The following RND2 variants were observed in gnomAD, a reference collection of about 807,000 sequenced individuals.
The protein encoded by RND2 is rho-related GTP-binding protein RhoN.
Under a neutral mutation model 25.9 loss-of-function variants are expected in RND2, and 16 were observed. The ratio of observed to expected loss-of-function variants is 0.62; its 90% confidence interval spans 0.42 to 0.94. The LOEUF (loss-of-function observed/expected upper bound fraction) is 0.94. RND2 is among the 40% of genes least tolerant of loss of function. RND2 has a pLI of 0.00. For missense variants in RND2, 276 were observed against 305.5 expected (o/e 0.90, Z 0.72); for synonymous variants, 97 against 118.1 (o/e 0.82, Z 1.16).
chr17:43,027,039 C>A (rs1444945626), intron 2 of RND2, 144 bp from the exon 3 acceptor site: 1 of 497,644 alleles, frequency 2.0e-6, no homozygotes, highest in Non-Finnish European at 3.6e-6. Context: ...ACCCAGACTC[C>A]ATGATGGGTA....
At position 43,028,150 on chromosome 17, in the gene RND2, G is replaced by A. The variant is rs2050639378; in HGVS notation, c.390G>A (p.Leu130=). 6.2e-7 allele frequency: 1 copy of A among 1,614,116 alleles called. No homozygotes were observed. Among genetic ancestry groups the A allele is most frequent in the Non-Finnish European group, 8.5e-7 (1 of 1,180,048 alleles). Reference sequence around the variant, plus strand: ...ACATGCGGACTGACCTGGCCACACTGAGGGAGCTGTCCAAGCAGAGGCTTA... The same window carrying A: ...ACATGCGGACTGACCTGGCCACACTAAGGGAGCTGTCCAAGCAGAGGCTTA... ...KLDMRTDLAT[L]RELSKQRLIP... Residue 130 remains leucine, a synonymous_variant, in exon 4 of 5, where the codon CTG becomes CTA. Transcript: ENST00000587250.
At position 43,031,608 on chromosome 17, in the gene RND2, T is replaced by C. The variant is rs1248949366; in HGVS notation, c.*2928T>C. 1 of 152,210 alleles carries C rather than the reference T, an allele frequency of 6.6e-6. No homozygotes were observed. Among genetic ancestry groups the C allele is most frequent in the Non-Finnish European group, 1.5e-5 (1 of 68,048 alleles). 9.4% of individuals were successfully genotyped at this position (152,210 alleles called of 1,614,324 possible). On this transcript the variant is annotated 3_prime_UTR_variant, in exon 5 of 5. Coordinates refer to ENST00000587250, the MANE Select transcript of RND2 (RefSeq NM_005440.5). ...CAGAGTGTGGAGTGTTTGTGCCCCCTCTTTCCTCCAACCTCCATATCCTGC... is the reference window on the plus strand; with the variant it reads ...CAGAGTGTGGAGTGTTTGTGCCCCCCCTTTCCTCCAACCTCCATATCCTGC...
In RND2 at chr17:43,028,186, A is replaced by C; in HGVS notation, c.426A>C (p.Thr142=). The part of the protein sequence containing the change: ...ELSKQRLIPV[T]HEQGTVLAKQ... ...CCAAGCAGAGGCTTATCCCTGTTAC[A>C]CATGAGCAGGTGGGACCCTTGACGT... is the stretch of plus-strand genomic sequence containing the variant. Residue 142 remains threonine, a synonymous_variant, in exon 4 of 5, where the codon ACA becomes ACC. Coordinates refer to ENST00000587250, the MANE Select transcript of RND2 (RefSeq NM_005440.5). 6.2e-7 allele frequency: 1 copy of C among 1,614,192 alleles called. No individual in the cohort carries two copies. Among genetic ancestry groups the C allele is most frequent in the Non-Finnish European group, 8.5e-7 (1 of 1,180,036 alleles).
intron 2 of RND2, among the ~76,000 whole-genome samples, chr17:43,026,896 A>G (rs929812020): frequency 2.6e-5 from 4 of 152,234 alleles, no homozygotes; most frequent in African/African-American, 9.7e-5. Flanking sequence ...GAATGTCTAT[A>G]GATTTTATGA....
intron 1 of RND2, 127 bp downstream of exon 1, chr17:43,025,576 G>A (rs1226767320): frequency 3.0e-6 from 4 of 1,349,858 alleles, no homozygotes; most frequent in South Asian, 2.8e-5. Flanking sequence ...CGGAGGACGC[G>A]GGGAGGCCTT....
In RND2 at chr17:43,031,369, T is replaced by G. The variant is rs1171256036; in HGVS notation, c.*2689T>G. ...CTCAAACTGAGACCTGGTTAGGGAC[T>G]GACTCAAAGACCCTGAGTCCTCGGC... On this transcript the variant is annotated 3_prime_UTR_variant, in exon 5 of 5. Transcript: ENST00000587250. The G allele has an allele frequency of 6.6e-6, 1 of 152,196 alleles. No individual in the cohort carries two copies. Among genetic ancestry groups the G allele is most frequent in the Non-Finnish European group, 1.5e-5 (1 of 68,044 alleles). 9.4% of individuals were successfully genotyped at this position (152,196 alleles called of 1,614,324 possible). A position where few individuals can be genotyped will look rare whatever the true frequency, so the allele number is the denominator to read the frequency against.
At chr17:43,027,915 C>T (rs1293858125) in intron 3 of RND2, 146 bp from the exon 4 acceptor site, 5 of 963,724 alleles carry the variant, frequency 5.2e-6, no homozygotes, top group Non-Finnish European at 7.7e-6. Flanking sequence ...CTAGCATTCT[C>T]ACCTCCTTCC....
rs1328094607 is a variant in RND2, at chr17:43,027,296, G to A, written c.300+4G>A. Reference sequence around the variant, plus strand: ...ACTGGACAGTGTTCTCAAGAAGGTGGGAGCCTGGGGAAATAGGGCAGCTAG... The same window carrying A: ...ACTGGACAGTGTTCTCAAGAAGGTGAGAGCCTGGGGAAATAGGGCAGCTAG... On this transcript the variant is annotated splice_donor_region_variant and intron_variant, in intron 3 of 4. Transcript: ENST00000587250. 6.3e-7 allele frequency: 1 copy of A among 1,598,534 alleles called. No individual in the cohort carries two copies. The highest frequency in any genetic ancestry group is 8.5e-7 in the Non-Finnish European group (1 of 1,169,664).
intron 2 of RND2, among the ~76,000 whole-genome samples, chr17:43,026,627 C>T (rs1436043295): frequency 6.6e-6 from 1 of 152,116 alleles, no homozygotes; most frequent in African/African-American, 2.4e-5. Flanking sequence ...CCAGCCTGAG[C>T]GATAGAGCGA....
intron 1 of RND2, 175 bp downstream of exon 1, chr17:43,025,624 G>A: frequency 4.9e-6 from 2 of 407,842 alleles, no homozygotes; most frequent in Non-Finnish European, 6.6e-6. Flanking sequence ...TGGGGTGGGA[G>A]GAATTAGGGA....
rs1279832719 is a variant in RND2 at position 43,031,130 on chromosome 17, TTAAAAAA to T, written c.*2467_*2473del. The stretch of plus-strand genomic sequence containing the variant: ...AGTGAGACCCTGTCTCTAAAAAAAA[TTAAAAAA>T]TAAAAAATAAAAAATAGCTTCTCCT... On this transcript the variant is annotated 3_prime_UTR_variant, in exon 5 of 5. Coordinates refer to ENST00000587250, the MANE Select transcript of RND2 (RefSeq NM_005440.5). 3 of 151,754 alleles carry T rather than the reference TTAAAAAA, an allele frequency of 2.0e-5. No individual in the cohort carries two copies. Among genetic ancestry groups the T allele is most frequent in the East Asian group, 1.9e-4 (1 of 5,192 alleles). 9.4% of individuals were successfully genotyped at this position (151,754 alleles called of 1,614,324 possible).
intron 3 of RND2, 88 bp downstream of exon 3, chr17:43,027,380 AT>A: frequency 1.2e-6 from 1 of 867,100 alleles, no homozygotes; most frequent in Non-Finnish European, 1.8e-6. Flanking sequence ...GGAGGGAGTG[AT>A]GGCTGGGGTA....
intron 1 of RND2, 53 bp downstream of exon 1, chr17:43,025,502 G>A (rs1336840415): frequency 1.3e-6 from 2 of 1,523,898 alleles, no homozygotes; most frequent in Admixed American, 4.0e-5. Flanking sequence ...GGGGGTGGGT[G>A]ACAGGGGCCC....
chr17:43,029,280 T>C lies in RND2; in HGVS notation c.*600T>C, dbSNP rs36036395. The C allele has an allele frequency of 0.31, 47,712 of 153,826 alleles. 7,793 individuals carry two copies. Among genetic ancestry groups the C allele is most frequent in the South Asian group, 0.49 (2,417 of 4,896 alleles). The allele number at this position is 153,826 out of a possible 1,614,324, so 9.5% of individuals were successfully genotyped here. On this transcript the variant is annotated 3_prime_UTR_variant, in exon 5 of 5. Coordinates refer to ENST00000587250, the MANE Select transcript of RND2 (RefSeq NM_005440.5). The stretch of plus-strand genomic sequence containing the variant: ...TTTAAAAAAATCAATCTACCAATCT[T>C]TAGCAGTAAGAGGGAAAGTTAGACC...
intron 3 of RND2, among the ~76,000 whole-genome samples, chr17:43,027,643 C>T (rs1253098540): frequency 6.6e-6 from 1 of 152,136 alleles, no homozygotes; most frequent in Non-Finnish European, 1.5e-5. Context: ...CCTGTGGCCT[C>T]CTCTCCAGGC....
rs1171235105 is a variant in RND2, at chr17:43,025,390, G to A, written c.43G>A (p.Asp15Asn). 39 of 1,554,328 alleles carry A rather than the reference G, an allele frequency of 2.5e-5. No individual in the cohort carries two copies. The highest frequency in any genetic ancestry group is 2.6e-6 in the Non-Finnish European group (3 of 1,149,232). ...CCGCTGCAAGATCGTGGTGGTGGGAGACGCAGAGTGCGGCAAGACGGCGCT... is the reference window on the plus strand; with the variant it reads ...CCGCTGCAAGATCGTGGTGGTGGGAAACGCAGAGTGCGGCAAGACGGCGCT... The part of the protein sequence containing the change: ...SGRCKIVVVG[D>N]AECGKTALLQ... Residue 15 changes from aspartate to asparagine, a missense_variant, in exon 1 of 5, where the codon GAC becomes AAC. Coordinates refer to ENST00000587250, the MANE Select transcript of RND2 (RefSeq NM_005440.5).
Position 43,027,204 on chromosome 17 carries a change from T to A in RND2, c.212T>A (p.Val71Asp). The A allele has an allele frequency of 2.5e-6, 4 of 1,609,398 alleles. No individual in the cohort carries two copies. In the South Asian group the frequency reaches 4.4e-5, roughly 18 times the overall value. ...TCAGGTTCCTCTTACTATGATAATG[T>A]CCGGCCTCTGGCCTATCCTGATTCT... ...DTSGSSYYDN[V>D]RPLAYPDSDA... The change falls in exon 3 of 5, where the codon GTC becomes GAC. Residue 71 changes from valine to aspartate, a missense_variant. Coordinates refer to ENST00000587250, the MANE Select transcript of RND2 (RefSeq NM_005440.5).
Position 43,029,156 on chromosome 17 carries a change from C to T in RND2, c.*476C>T, listed in dbSNP as rs1169759333. ...TCAAAAGCAAGGAGAAGCCCTTGCC[C>T]CCCATCAGTCCACCAGCCCTAGAAC... On this transcript the variant is annotated 3_prime_UTR_variant, in exon 5 of 5. Transcript: ENST00000587250. 1 of 161,106 alleles carries T rather than the reference C, an allele frequency of 6.2e-6. No individual in the cohort carries two copies. Among genetic ancestry groups the T allele is most frequent in the African/African-American group, 2.4e-5 (1 of 41,658 alleles). The allele number at this position is 161,106 out of a possible 1,614,324, so 10.0% of individuals were successfully genotyped here.
In RND2 at chr17:43,025,330, C is replaced by A; in HGVS notation, c.-18C>A. 6.6e-7 allele frequency: 1 copy of A among 1,523,724 alleles called. No individual in the cohort carries two copies. The highest frequency in any genetic ancestry group is 2.0e-5 in the Admixed American group (1 of 49,566). The allele number at this position is 1,523,724 out of a possible 1,614,324, so 94.4% of individuals were successfully genotyped here. Reference sequence around the variant, plus strand: ...CCGGGAGAGGGGTGGCGTGGGGGACCGGCGCGTAGCCGGGACCATGGAGGG... The same window carrying A: ...CCGGGAGAGGGGTGGCGTGGGGGACAGGCGCGTAGCCGGGACCATGGAGGG... On this transcript the variant is annotated 5_prime_UTR_variant, in exon 1 of 5. Transcript: ENST00000587250.
Sources: allele counts gnomAD v4.1 joint callset (sites outside exome capture counted in the v4.1 genomes callset), GRCh38; gene constraint gnomAD v4.1.1; transcripts MANE v1.5; gene names NCBI Gene and HGNC (gene_info 2026-07-23, HGNC 2026-07-21).